Variants in COL22A1 observed in about 807,000 individuals in gnomAD.
The protein encoded by COL22A1 is collagen alpha-1(XXII) chain.
In COL22A1, 221 loss-of-function variants were observed where a neutral mutation model predicts 248.9. That is an observed-to-expected ratio of 0.89 (90% CI 0.80 to 0.99). The LOEUF is 0.99. Among genes scored for constraint, COL22A1 ranks in the 50% least tolerant of loss-of-function variants. The probability of loss-of-function intolerance (pLI) is 0.00; values close to 1 mark genes in which losing one functional copy is unlikely to be tolerated. For missense variants in COL22A1, 2,240 were observed against 2,179.0 expected (o/e 1.03, Z -0.56); for synonymous variants, 891 against 793.4 (o/e 1.12, Z -2.07).
intron 53 of COL22A1, 50 bp downstream of exon 53, chr8:138,619,405 G>A (rs772482845): frequency 4.5e-6 from 7 of 1,560,134 alleles, no homozygotes; most frequent in South Asian, 1.1e-5. Flanking sequence ...TGAGAGCCAT[G>A]TAGCTGATGG....
chr8:138,753,553 T>C lies in COL22A1; in HGVS notation c.2031+1604A>G, dbSNP rs188404814. 5.3e-4 allele frequency among the ~76,000 whole-genome samples: 81 copies of C among 152,374 alleles called. 1 individual carries two copies. The East Asian group carries it at 7.7e-3, about 15-fold the overall frequency. On this transcript the variant is annotated intron_variant, in intron 21 of 64. Coordinates refer to ENST00000303045, the MANE Select transcript of COL22A1 (RefSeq NM_152888.3). ...AAGACCATCCGCATGTCCTGTCTAATGGACCCTAGAAATGGTACGTGCAGG... is the reference window on the plus strand; with the variant it reads ...AAGACCATCCGCATGTCCTGTCTAACGGACCCTAGAAATGGTACGTGCAGG...
intron 41 of COL22A1, among the ~76,000 whole-genome samples, chr8:138,667,916 C>T (rs1049987799): frequency 2.0e-5 from 3 of 151,740 alleles, no homozygotes; most frequent in Non-Finnish European, 4.4e-5. Flanking sequence ...GTCTGAGTAC[C>T]AACTTAGCTG....
intron 51 of COL22A1, among the ~76,000 whole-genome samples, chr8:138,624,278 G>T (rs1424820249): frequency 6.6e-6 from 1 of 152,100 alleles, no homozygotes; most frequent in East Asian, 1.9e-4. Flanking sequence ...AGCACGTTTG[G>T]GTCACAGAAA....
chr8:138,898,125 T>C (rs559894632), intron 1 of COL22A1, among the ~76,000 whole-genome samples: 1 of 152,272 alleles, frequency 6.6e-6, no homozygotes, highest in South Asian at 2.1e-4. Flanking sequence ...CACATGCCAT[T>C]ACATTAGGAA....
chr8:138,790,291 C>T (rs376831671), intron 12 of COL22A1, among the ~76,000 whole-genome samples: 5 of 152,234 alleles, frequency 3.3e-5, no homozygotes, highest in South Asian at 4.1e-4. Flanking sequence ...TTTATAAAGG[C>T]CAATCCAGTC....
At chr8:138,598,994 C>A in intron 60 of COL22A1, 96 bp from the exon 61 acceptor site, 1 of 1,321,164 alleles carries the variant, frequency 7.6e-7, no homozygotes, top group Non-Finnish European at 1.1e-6. Flanking sequence ...CCTCTTAGAT[C>A]ACTGAAAGGG....
intron 3 of COL22A1, among the ~76,000 whole-genome samples, chr8:138,868,420 T>TGTATG (rs1823065481): frequency 1.3e-5 from 2 of 152,150 alleles, no homozygotes; most frequent in South Asian, 2.1e-4. Context: ...ATATAATACA[T>TGTATG]GTATGGTATT....
At chr8:138,903,955 C>T (rs1366116490) in intron 1 of COL22A1, among the ~76,000 whole-genome samples, 1 of 152,154 alleles carries the variant, frequency 6.6e-6, no homozygotes, top group East Asian at 1.9e-4. Context: ...ATCCCGAGAA[C>T]AAGATAAGAT....
At chr8:138,906,872 C>T (rs909355290) in intron 1 of COL22A1, among the ~76,000 whole-genome samples, 32 of 152,148 alleles carry the variant, frequency 2.1e-4, no homozygotes, top group African/African-American at 4.8e-5. Flanking sequence ...AGGCTGGTCT[C>T]GAACTCCTGA....
chr8:138,886,928 T>G (rs1824710737), intron 1 of COL22A1, among the ~76,000 whole-genome samples: 1 of 152,150 alleles, frequency 6.6e-6, no homozygotes, highest in African/African-American at 2.4e-5. Flanking sequence ...AAAATTGTTG[T>G]GAGTACATAG....
chr8:138,716,975 C>T, intron 27 of COL22A1, 106 bp from the exon 28 acceptor site: 1 of 858,652 alleles, frequency 1.2e-6, no homozygotes, highest in Non-Finnish European at 2.0e-6. Context: ...CAGCCACAAC[C>T]CTTAATTTTC....
intron 1 of COL22A1, 88 bp from the exon 2 acceptor site, chr8:138,883,332 TA>T (rs1824386841): frequency 1.4e-6 from 1 of 700,386 alleles, no homozygotes; most frequent in Non-Finnish European, 2.3e-6. Flanking sequence ...GGGGATTCCC[TA>T]CACCCAGCCT....
intron 53 of COL22A1, among the ~76,000 whole-genome samples, 174 bp downstream of exon 53, chr8:138,619,281 C>T (rs542111175): frequency 7.2e-5 from 11 of 152,202 alleles, no homozygotes; most frequent in Non-Finnish European, 1.3e-4. Context: ...ATGAATTTCG[C>T]AGCTATGTAG....
intron 32 of COL22A1, among the ~76,000 whole-genome samples, chr8:138,699,775 T>C (rs1317097818): frequency 6.6e-6 from 1 of 152,232 alleles, no homozygotes. Context: ...GACTCTCATG[T>C]TCTGGCATCT....
At chr8:138,855,673 T>C (rs1821956167) in intron 3 of COL22A1, among the ~76,000 whole-genome samples, 1 of 152,214 alleles carries the variant, frequency 6.6e-6, no homozygotes, top group Non-Finnish European at 1.5e-5. Context: ...GGCCATGCCC[T>C]TGAGCTCTCT....
chr8:138,768,598 CAT>C (rs1333325139), intron 16 of COL22A1, among the ~76,000 whole-genome samples: 1 of 152,132 alleles, frequency 6.6e-6, no homozygotes, highest in Non-Finnish European at 1.5e-5. Flanking sequence ...TGTGAGATAA[CAT>C]AGGTGAAATT....
At chr8:138,742,971 T>C (rs1302833330) in intron 22 of COL22A1, among the ~76,000 whole-genome samples, 1 of 151,312 alleles carries the variant, frequency 6.6e-6, no homozygotes, top group Non-Finnish European at 1.5e-5. Flanking sequence ...ATGATGATGG[T>C]AGTAGTGATT....
At chr8:138,905,792 C>G (rs1203344617) in intron 1 of COL22A1, among the ~76,000 whole-genome samples, 1 of 152,164 alleles carries the variant, frequency 6.6e-6, no homozygotes, top group African/African-American at 2.4e-5. Flanking sequence ...AACCTGATCC[C>G]TCACCTCACA....
chr8:138,593,613 C>A (rs1034603182), intron 63 of COL22A1, among the ~76,000 whole-genome samples: 1 of 151,964 alleles, frequency 6.6e-6, no homozygotes, highest in South Asian at 2.1e-4. Flanking sequence ...TAAGTCACTG[C>A]CTTGAGACCT....
Sources: gnomAD v4.1 joint callset for allele counts (sites outside exome capture counted in the v4.1 genomes callset) on GRCh38, gnomAD v4.1.1 for gene constraint, MANE v1.5 for transcripts, NCBI Gene and HGNC (gene_info 2026-07-23, HGNC 2026-07-21) for gene names.